The following IGSF21 variants were observed in gnomAD, a reference collection of about 807,000 sequenced individuals.
The protein encoded by IGSF21 is immunoglobulin superfamily member 21.
IGSF21 carries 28 observed loss-of-function variants against 46.8 expected under a neutral mutation model. The observed-to-expected ratio is 0.60, with a 90% CI of 0.44 to 0.82. The LOEUF (loss-of-function observed/expected upper bound fraction) is 0.82. Ranked by LOEUF, IGSF21 falls within the 40% of genes least tolerant of loss-of-function variation. The probability of loss-of-function intolerance (pLI) is 0.00; values close to 1 mark genes in which losing one functional copy is unlikely to be tolerated. For missense variants in IGSF21, 624 were observed against 665.5 expected (o/e 0.94, Z 0.69); for synonymous variants, 284 against 273.6 (o/e 1.04, Z -0.38).
At chr1:18,156,441 C>T (rs1015086822) in intron 1 of IGSF21, among the ~76,000 whole-genome samples, 1 of 152,190 alleles carries the variant, frequency 6.6e-6, no homozygotes, top group Non-Finnish European at 1.5e-5. Flanking sequence ...AGCAAGTAGG[C>T]GACAGGGCTG....
At chr1:18,351,529 G>A (rs1178612615) in intron 4 of IGSF21, among the ~76,000 whole-genome samples, 1 of 152,184 alleles carries the variant, frequency 6.6e-6, no homozygotes, top group Non-Finnish European at 1.5e-5. Context: ...TCTCCCCAGA[G>A]CCTCCAAGTC....
intron 2 of IGSF21, among the ~76,000 whole-genome samples, chr1:18,281,117 G>GTA (rs1299608629): frequency 2.2e-5 from 2 of 91,952 alleles, no homozygotes; most frequent in Non-Finnish European, 4.8e-5. Context: ...ATGAAGAAAT[G>GTA]AACGAATGAA....
intron 3 of IGSF21, among the ~76,000 whole-genome samples, chr1:18,320,481 C>T (rs921133097): frequency 6.6e-6 from 1 of 152,244 alleles, no homozygotes; most frequent in African/African-American, 2.4e-5. Flanking sequence ...CTGTTTTTAG[C>T]TCCGCTTTGA....
At chr1:18,302,202 C>T (rs980254240) in intron 3 of IGSF21, among the ~76,000 whole-genome samples, 6 of 152,112 alleles carry the variant, frequency 3.9e-5, no homozygotes, top group African/African-American at 9.7e-5. Context: ...CTCAGCTTGA[C>T]GCAGCAGCCC....
At chr1:18,305,315 GA>G (rs1428037318) in intron 3 of IGSF21, among the ~76,000 whole-genome samples, 39 of 151,600 alleles carry the variant, frequency 2.6e-4, no homozygotes, top group African/African-American at 9.0e-4. Flanking sequence ...ATAGATAATG[GA>G]TGGATGGATG....
At chr1:18,291,372 C>T (rs1374917479) in intron 2 of IGSF21, among the ~76,000 whole-genome samples, 1 of 152,212 alleles carries the variant, frequency 6.6e-6, no homozygotes, top group African/African-American at 2.4e-5. Flanking sequence ...TCCTCCCGGG[C>T]TCCCTGCCTC....
intron 4 of IGSF21, among the ~76,000 whole-genome samples, chr1:18,347,541 T>A (rs535882249): frequency 6.6e-6 from 1 of 152,342 alleles, no homozygotes; most frequent in African/African-American, 2.4e-5. Flanking sequence ...TGGGGATCTG[T>A]ATCCCCATTT....
intron 1 of IGSF21, among the ~76,000 whole-genome samples, chr1:18,141,847 T>C (rs1348185823): frequency 2.0e-5 from 3 of 152,070 alleles, no homozygotes; most frequent in East Asian, 1.9e-4. Context: ...GGCGAGCCGA[T>C]TGCTTGAGGC....
rs2086107611 is a variant in IGSF21 at position 18,108,071 on chromosome 1, C to A, written c.-58C>A. 1.2e-6 allele frequency: 1 copy of A among 842,486 alleles called. No individual in the cohort carries two copies. Among genetic ancestry groups the A allele is most frequent in the Non-Finnish European group, 1.7e-6 (1 of 598,046 alleles). The allele number at this position is 842,486 out of a possible 1,614,324, so 52.2% of individuals were successfully genotyped here. A position where few individuals can be genotyped will look rare whatever the true frequency, so the allele number is the denominator to read the frequency against. ...CGCGTCTGAGCCCATGGCGAGGGGA[C>A]CCGCCGCCACCGCCTCCACCCCCGC... On this transcript the variant is annotated 5_prime_UTR_variant, in exon 1 of 10. Transcript: ENST00000251296.
intron 2 of IGSF21, among the ~76,000 whole-genome samples, chr1:18,252,045 G>GTT (rs59704256): frequency 0.2 from 14,582 of 71,416 alleles, 2,701 homozygotes; most frequent in East Asian, 0.43. Context: ...TGACCAAGGC[G>GTT]TTTTTTTTTT....
intron 2 of IGSF21, among the ~76,000 whole-genome samples, chr1:18,272,113 G>T (rs980407412): frequency 6.6e-6 from 1 of 152,164 alleles, no homozygotes; most frequent in African/African-American, 2.4e-5. Flanking sequence ...AAGGTGAAAG[G>T]CAAGTCTTCC....
At chr1:18,347,630 C>T (rs887406109) in intron 4 of IGSF21, among the ~76,000 whole-genome samples, 8 of 152,202 alleles carry the variant, frequency 5.3e-5, no homozygotes, top group African/African-American at 1.9e-4. Flanking sequence ...CACTCTCCTT[C>T]CGTGGGGATC....
At chr1:18,346,660 C>T (rs958236929) in intron 4 of IGSF21, among the ~76,000 whole-genome samples, 16 of 152,174 alleles carry the variant, frequency 1.1e-4, no homozygotes, top group African/African-American at 3.1e-4. Context: ...TCTCACTCAG[C>T]AGCCAGCGAT....
chr1:18,183,289 C>G (rs1432881805), intron 1 of IGSF21, among the ~76,000 whole-genome samples: 3 of 152,328 alleles, frequency 2.0e-5, no homozygotes, highest in Non-Finnish European at 4.4e-5. Context: ...CCATCTAGCT[C>G]TGAGGTTTGG....
At chr1:18,368,151 G>A (rs990820622) in intron 6 of IGSF21, among the ~76,000 whole-genome samples, 12 of 151,974 alleles carry the variant, frequency 7.9e-5, no homozygotes, top group African/African-American at 2.7e-4. Context: ...GCCTCCTCAC[G>A]GCGTCCCTCT....
chr1:18,247,123 A>G (rs1569623294), intron 2 of IGSF21, among the ~76,000 whole-genome samples: 1 of 142,284 alleles, frequency 7.0e-6, no homozygotes, highest in Non-Finnish European at 1.5e-5. Flanking sequence ...CGATCTCTGC[A>G]CAGCTGGACT....
chr1:18,301,762 G>A (rs2085364259), intron 3 of IGSF21, among the ~76,000 whole-genome samples: 1 of 152,166 alleles, frequency 6.6e-6, no homozygotes, highest in South Asian at 2.1e-4. Flanking sequence ...TACCCAGGAT[G>A]CTTGGTCCCT....
At chr1:18,208,376 A>ATAT (rs1557588190) in intron 1 of IGSF21, among the ~76,000 whole-genome samples, 2 of 22,040 alleles carry the variant, frequency 9.1e-5, no homozygotes, top group African/African-American at 3.5e-4. Context: ...GTTTAGGAAT[A>ATAT]ATATATATAT....
At chr1:18,273,177 A>G (rs2085060101) in intron 2 of IGSF21, among the ~76,000 whole-genome samples, 1 of 149,864 alleles carries the variant, frequency 6.7e-6, no homozygotes, top group Non-Finnish European at 1.5e-5. Flanking sequence ...AGTAGCTGGG[A>G]TTACAGGCAC....
Sources: allele counts gnomAD v4.1 joint callset (sites outside exome capture counted in the v4.1 genomes callset), GRCh38; gene constraint gnomAD v4.1.1; transcripts MANE v1.5; gene names NCBI Gene and HGNC (gene_info 2026-07-23, HGNC 2026-07-21).